The following LHFPL3 variants were observed in gnomAD, a reference collection of about 807,000 sequenced individuals.
LHFPL3 encodes LHFPL tetraspan subfamily member 3 protein.
In LHFPL3, 5 loss-of-function variants were observed where a neutral mutation model predicts 19.3. The ratio of observed to expected loss-of-function variants is 0.26; its 90% CI spans 0.14 to 0.54. The LOEUF (loss-of-function observed/expected upper bound fraction) is 0.54, where lower values mean the gene tolerates loss of function less well. LHFPL3 is among the 20% of genes least tolerant of loss of function. The pLI is 0.94. For missense variants in LHFPL3, 249 were observed against 307.4 expected, an observed-to-expected ratio of 0.81 and a Z score of 1.42; for synonymous variants, 133 against 126.2, an observed-to-expected ratio of 1.05 and a Z score of -0.36.
intron 1 of LHFPL3, among the ~76,000 whole-genome samples, chr7:104,359,528 C>T (rs78372722): frequency 0.015 from 2,221 of 152,264 alleles, 56 homozygotes; most frequent in African/African-American, 0.051. Flanking sequence ...TGGTCTTTTC[C>T]ACAAAACTAA....
At chr7:104,333,577 C>T (rs1355889779) in intron 1 of LHFPL3, among the ~76,000 whole-genome samples, 2 of 152,156 alleles carry the variant, frequency 1.3e-5, no homozygotes, top group African/African-American at 2.4e-5. Flanking sequence ...ACCCCCTAGC[C>T]TCCTAGATTT....
chr7:104,586,956 C>T (rs1157240781), intron 1 of LHFPL3, among the ~76,000 whole-genome samples: 2 of 152,022 alleles, frequency 1.3e-5, no homozygotes, highest in Non-Finnish European at 2.9e-5. Context: ...TCATTTTTCT[C>T]CATTTCAGAG....
chr7:104,676,615 T>C (rs1258571495), intron 1 of LHFPL3, among the ~76,000 whole-genome samples: 1 of 152,256 alleles, frequency 6.6e-6, no homozygotes, highest in Non-Finnish European at 1.5e-5. Flanking sequence ...TATTGGACGA[T>C]GCAAACCATC....
At chr7:104,423,230 G>A (rs1265468522) in intron 1 of LHFPL3, among the ~76,000 whole-genome samples, 1 of 152,190 alleles carries the variant, frequency 6.6e-6, no homozygotes, top group East Asian at 1.9e-4. Flanking sequence ...TGGAGGCTGT[G>A]ATGGACATTT....
intron 1 of LHFPL3, among the ~76,000 whole-genome samples, chr7:104,576,671 G>GT (rs1790345378): frequency 1.3e-5 from 2 of 152,060 alleles, no homozygotes; most frequent in East Asian, 1.9e-4. Context: ...GTTTTGTTTT[G>GT]TTTTTTGCCA....
intron 2 of LHFPL3, among the ~76,000 whole-genome samples, chr7:104,832,520 G>GT (rs1048996692): frequency 1.3e-5 from 2 of 150,852 alleles, no homozygotes; most frequent in East Asian, 1.9e-4. Context: ...CTTTCATTCT[G>GT]TTTTTTCTCA....
rs1309677048 is a variant in LHFPL3 at position 104,537,700 on chromosome 7, C to G, written c.446-198975C>G. Among the ~76,000 whole-genome samples the G allele has an allele frequency of 2.0e-5, 3 of 152,204 alleles. No individual in the cohort carries two copies. The East Asian group carries it at 5.8e-4, about 29-fold the overall frequency. On this transcript the variant is annotated intron_variant, in intron 1 of 2. Coordinates refer to ENST00000424859, the MANE Select transcript of LHFPL3 (RefSeq NM_199000.3). ...GTTATTGGGTTCCCTACTTCACAGT[C>G]ATGAACATTTTGGAACTCAGTCTTA...
chr7:104,426,164 T>G (rs776500635), intron 1 of LHFPL3, among the ~76,000 whole-genome samples: 8 of 152,240 alleles, frequency 5.3e-5, no homozygotes, highest in Non-Finnish European at 1.0e-4. Flanking sequence ...TAATTTTAAC[T>G]TTCCTTGCTT....
At chr7:104,365,559 A>T (rs907031845) in intron 1 of LHFPL3, among the ~76,000 whole-genome samples, 1 of 151,094 alleles carries the variant, frequency 6.6e-6, no homozygotes, top group Non-Finnish European at 1.5e-5. Context: ...AGGCGGGTGG[A>T]TCATGAGGTC....
At chr7:104,588,288 T>C (rs1790628167) in intron 1 of LHFPL3, among the ~76,000 whole-genome samples, 1 of 152,188 alleles carries the variant, frequency 6.6e-6, no homozygotes, top group African/African-American at 2.4e-5. Flanking sequence ...TGAATTAATT[T>C]TTGTATAAGG....
At chr7:104,642,677 CTCCTCTCTGGTTCCT>C (rs1479804080) in intron 1 of LHFPL3, among the ~76,000 whole-genome samples, 1 of 152,166 alleles carries the variant, frequency 6.6e-6, no homozygotes, top group Non-Finnish European at 1.5e-5. Context: ...ACTGCTTGCC[CTCCTCTCTGGTTCCT>C]TCCCATAGCC....
chr7:104,791,527 T>C (rs1790023745), intron 2 of LHFPL3, among the ~76,000 whole-genome samples: 1 of 152,124 alleles, frequency 6.6e-6, no homozygotes, highest in African/African-American at 2.4e-5. Context: ...CCCACCCATC[T>C]GTTTTTCTGG....
intron 2 of LHFPL3, among the ~76,000 whole-genome samples, chr7:104,824,479 TTA>T (rs1790767686): frequency 3.2e-5 from 2 of 63,014 alleles, no homozygotes; most frequent in Non-Finnish European, 5.4e-5. Flanking sequence ...TAATATATAA[TTA>T]TATATAATCT....
rs551990404 is a variant in LHFPL3, at chr7:104,508,673, T to A, written c.445+179449T>A. 4.7e-4 allele frequency among the ~76,000 whole-genome samples: 71 copies of A among 150,698 alleles called. No individual in the cohort carries two copies. The South Asian group carries it at 0.014, about 29-fold the overall frequency. On this transcript the variant is annotated intron_variant, in intron 1 of 2. Transcript: ENST00000424859. ...TGCATACATTAGAAAAAAGGAGACA[T>A]CTCAAATCAATAAATCTAAGCTTCC...
chr7:104,462,649 G>T (rs1183315662), intron 1 of LHFPL3, among the ~76,000 whole-genome samples: 1 of 152,132 alleles, frequency 6.6e-6, no homozygotes, highest in African/African-American at 2.4e-5. Flanking sequence ...CAAGTATTTT[G>T]TTGAGGACTT....
At chr7:104,433,182 T>A (rs1792033882) in intron 1 of LHFPL3, among the ~76,000 whole-genome samples, 1 of 152,204 alleles carries the variant, frequency 6.6e-6, no homozygotes, top group South Asian at 2.1e-4. Flanking sequence ...TAAAATGTTA[T>A]CCTTGAATAA....
intron 2 of LHFPL3, among the ~76,000 whole-genome samples, chr7:104,878,110 C>T (rs914834917): frequency 7.9e-5 from 12 of 152,174 alleles, no homozygotes; most frequent in Non-Finnish European, 1.3e-4. Context: ...GCTAGGATTA[C>T]AGGCATGAGC....
chr7:104,833,063 A>ATATT (rs1351048169), intron 2 of LHFPL3, among the ~76,000 whole-genome samples: 1 of 71,586 alleles, frequency 1.4e-5, no homozygotes, highest in Non-Finnish European at 2.5e-5. Flanking sequence ...TATTATATAT[A>ATATT]ATATATATAT....
At chr7:104,512,903 T>C (rs551195053) in intron 1 of LHFPL3, among the ~76,000 whole-genome samples, 9 of 152,234 alleles carry the variant, frequency 5.9e-5, no homozygotes, top group Admixed American at 5.9e-4. Context: ...AGGCAGCTCT[T>C]TTCTCTGTCA....
Sources: gnomAD v4.1 joint callset for allele counts (sites outside exome capture counted in the v4.1 genomes callset) on GRCh38, gnomAD v4.1.1 for gene constraint, MANE v1.5 for transcripts, NCBI Gene and HGNC (gene_info 2026-07-23, HGNC 2026-07-21) for gene names.